PAN3: variants seen among roughly 807,000 people sequenced by gnomAD.
The protein encoded by PAN3 is poly(A) specific ribonuclease subunit PAN3.
A neutral mutation model predicts 96.2 loss-of-function variants in PAN3; 19 were observed. That is an observed-to-expected ratio of 0.20 (90% confidence interval 0.14 to 0.29). The LOEUF (loss-of-function observed/expected upper bound fraction) is 0.29, where lower values mean the gene tolerates loss of function less well. PAN3 is among the 10% of genes least tolerant of loss of function. The pLI, the probability that PAN3 is intolerant of heterozygous loss-of-function variation, is 1.00. For missense variants in PAN3, 882 were observed against 1,108.1 expected (o/e 0.80, Z 2.90); for synonymous variants, 433 against 406.6 (o/e 1.06, Z -0.78).
At chr13:28,152,650 A>G (rs932509195) in intron 1 of PAN3, among the ~76,000 whole-genome samples, 3 of 152,166 alleles carry the variant, frequency 2.0e-5, no homozygotes, top group Non-Finnish European at 2.9e-5. Flanking sequence ...TGAGACGAAC[A>G]TTCAGTGTTT....
intron 3 of PAN3, among the ~76,000 whole-genome samples, chr13:28,176,926 A>G (rs868488036): frequency 1.3e-5 from 2 of 152,092 alleles, no homozygotes; most frequent in African/African-American, 2.4e-5. Context: ...TCTTTGCACT[A>G]TTAGTTATTT....
At chr13:28,266,149 T>A (rs1886149829) in intron 9 of PAN3, among the ~76,000 whole-genome samples, 1 of 152,112 alleles carries the variant, frequency 6.6e-6, no homozygotes, top group Non-Finnish European at 1.5e-5. Flanking sequence ...AGAATAATAA[T>A]CCTCCCTTTA....
At position 28,292,297 on chromosome 13, in the gene PAN3, ATATTT is replaced by A. The variant is rs951979208; in HGVS notation, c.2524-79_2524-75del. The A allele has an allele frequency of 5.1e-5, 68 of 1,342,724 alleles. No individual in the cohort carries two copies. The East Asian group carries it at 1.0e-3, about 20-fold the overall frequency. The allele number at this position is 1,342,724 out of a possible 1,614,324, so 83.2% of individuals were successfully genotyped here. A position where few individuals can be genotyped will look rare whatever the true frequency, so the allele number is the denominator to read the frequency against. On this transcript the variant is annotated intron_variant, in intron 18 of 18. Transcript: ENST00000380958. Reference sequence around the variant, plus strand: ...AGGGAATGTGACAAAAAAAATTTAGATATTTTATTTATTTTTGCTGCAAACGTAGA... The same window carrying A: ...AGGGAATGTGACAAAAAAAATTTAGATATTTATTTTTGCTGCAAACGTAGA...
At chr13:28,182,688 T>C (rs1444440635) in intron 4 of PAN3, among the ~76,000 whole-genome samples, 1 of 152,174 alleles carries the variant, frequency 6.6e-6, no homozygotes, top group African/African-American at 2.4e-5. Context: ...GCTGATAGCT[T>C]ATTTTTGAGG....
intron 5 of PAN3, among the ~76,000 whole-genome samples, chr13:28,217,159 G>T (rs188603906): frequency 6.6e-6 from 1 of 151,702 alleles, no homozygotes; most frequent in East Asian, 1.9e-4. Context: ...TTAAGCTAAC[G>T]GTCAGGATTC....
intron 1 of PAN3, among the ~76,000 whole-genome samples, chr13:28,170,006 C>G (rs1874096187): frequency 6.6e-6 from 1 of 152,058 alleles, no homozygotes; most frequent in African/African-American, 2.4e-5. Flanking sequence ...GAGATCACAC[C>G]ACTGCACTCT....
At chr13:28,167,673 C>CAA (rs1166063021) in intron 1 of PAN3, among the ~76,000 whole-genome samples, 1,759 of 61,248 alleles carry the variant, frequency 0.029, 25 homozygotes, top group East Asian at 0.064. Flanking sequence ...CCTGTCTCTA[C>CAA]AAAAAAAAAA....
intron 4 of PAN3, among the ~76,000 whole-genome samples, chr13:28,190,215 G>T (rs1001926063): frequency 6.6e-6 from 1 of 152,194 alleles, no homozygotes; most frequent in Admixed American, 6.5e-5. Flanking sequence ...AAAGTGCTGG[G>T]ATTACAGACG....
At chr13:28,195,317 C>T (rs1341910254) in intron 4 of PAN3, among the ~76,000 whole-genome samples, 1 of 151,720 alleles carries the variant, frequency 6.6e-6, no homozygotes, top group South Asian at 2.1e-4. Flanking sequence ...GTGGGAGGGT[C>T]GTTTGAGCCC....
At chr13:28,245,444 G>T in intron 6 of PAN3, among the ~76,000 whole-genome samples, 2 of 148,576 alleles carry the variant, frequency 1.3e-5, no homozygotes, top group African/African-American at 2.5e-5. Flanking sequence ...TCCCACATTT[G>T]ATTGATAGTC....
intron 2 of PAN3, 105 bp from the exon 3 acceptor site, chr13:28,176,388 C>A: frequency 1.0e-6 from 1 of 973,468 alleles, no homozygotes; most frequent in Non-Finnish European, 1.6e-6. Flanking sequence ...GTAATGTGAA[C>A]AGTAGATTGG....
chr13:28,292,238 A>T (rs1423541118), intron 18 of PAN3, 144 bp from the exon 19 acceptor site: 2 of 773,774 alleles, frequency 2.6e-6, no homozygotes, highest in Non-Finnish European at 3.8e-6. Context: ...GTGCATACTG[A>T]TGAATGATAT....
intron 6 of PAN3, among the ~76,000 whole-genome samples, chr13:28,223,954 G>A (rs941749196): frequency 7.3e-5 from 10 of 136,340 alleles, no homozygotes; most frequent in Non-Finnish European, 1.1e-4. Flanking sequence ...TTCCAAGCTC[G>A]GCCTGCCAGG....
chr13:28,271,934 T>A (rs45520939), intron 13 of PAN3, 47 bp from the exon 14 acceptor site: 41,297 of 1,347,164 alleles, frequency 0.031, 778 homozygotes, highest in South Asian at 0.047. Flanking sequence ...TGCAATTTTT[T>A]AAAAACTTAT....
intron 6 of PAN3, among the ~76,000 whole-genome samples, chr13:28,227,275 ATAT>A (rs1882102828): frequency 6.6e-6 from 1 of 152,236 alleles, no homozygotes; most frequent in Non-Finnish European, 1.5e-5. Flanking sequence ...CCAGTAGATA[ATAT>A]TCTACTGGTT....
intron 1 of PAN3, among the ~76,000 whole-genome samples, chr13:28,166,380 C>A (rs1490493361): frequency 6.6e-6 from 1 of 152,238 alleles, no homozygotes; most frequent in African/African-American, 2.4e-5. Context: ...TCTTGTTTAA[C>A]TCCTTTTCTT....
chr13:28,241,714 ATTC>A (rs1358283052), intron 6 of PAN3, among the ~76,000 whole-genome samples: 4 of 152,314 alleles, frequency 2.6e-5, no homozygotes, highest in African/African-American at 9.6e-5. Context: ...ATAAGTGTGT[ATTC>A]TTTAATTTTG....
chr13:28,292,506 C>A lies in PAN3; in HGVS notation c.2648C>A (p.Ala883Glu), dbSNP rs891771311. ...ACTTTTCAAGAACTGATTGCAGCTG[C>A]AAATGGTCAGTTGTAGTATTTGCTA... Reference protein sequence around the residue: ...ENTFQELIAAANGQL With the variant: ...ENTFQELIAAENGQL Residue 883 changes from alanine to glutamate, a missense_variant, in exon 19 of 19, where the codon GCA becomes GAA. By Grantham distance (107) the Ala-to-Glu change is moderately radical. This residue lies in a region of PAN3 where 76 missense variants were observed against 171.7 expected (regional missense o/e 0.44). Coordinates refer to ENST00000380958, the MANE Select transcript of PAN3 (RefSeq NM_175854.8). The A allele has an allele frequency of 6.2e-7, 1 of 1,611,454 alleles. No homozygotes were observed. The highest frequency in any genetic ancestry group is 2.2e-5 in the East Asian group (1 of 44,816).
Position 28,189,180 on chromosome 13 carries a change from T to C in PAN3, c.691-8005T>C, listed in dbSNP as rs142822124. On this transcript the variant is annotated intron_variant, in intron 4 of 18. Coordinates refer to ENST00000380958, the MANE Select transcript of PAN3 (RefSeq NM_175854.8). ...TTTTATGAAGTGGGGCAAAGGTTTT[T>C]GGAAAAGCTAGGGCTTTGAGGGCTA... Among the ~76,000 whole-genome samples, 515 of 152,262 alleles carry C rather than the reference T, an allele frequency of 3.4e-3. 1 individual carries two copies. The highest frequency in any genetic ancestry group is 5.4e-3 in the Non-Finnish European group (369 of 68,018).
Sources: gnomAD v4.1 joint callset for allele counts (sites outside exome capture counted in the v4.1 genomes callset) on GRCh38, gnomAD v4.1.1 for gene constraint, gnomAD v4.1.1 regional missense constraint, MANE v1.5 for transcripts, NCBI Gene and HGNC (gene_info 2026-07-23, HGNC 2026-07-21) for gene names.